Variants in ZNF831 observed in about 807,000 individuals in gnomAD.
ZNF831 encodes zinc finger protein 831, also known as chromosome 20 open reading frame 174.
Under a neutral mutation model 95.8 loss-of-function variants are expected in ZNF831, and 59 were observed. The ratio of observed to expected loss-of-function variants is 0.62; its 90% CI spans 0.50 to 0.77. The LOEUF is 0.77. Among genes scored for constraint, ZNF831 ranks in the 30% least tolerant of loss-of-function variants. The pLI, the probability that ZNF831 is intolerant of heterozygous loss-of-function variation, is 0.00. For synonymous variants in ZNF831, 961 were observed against 925.5 expected (o/e 1.04, Z -0.70); for missense variants, 2,205 against 2,164.0 (o/e 1.02, Z -0.38).
intron 4 of ZNF831, among the ~76,000 whole-genome samples, chr20:59,249,954 A>G (rs761901628): frequency 6.6e-6 from 1 of 152,204 alleles, no homozygotes; most frequent in East Asian, 1.9e-4. Flanking sequence ...CAGAGTCTGA[A>G]TGGGAACTGA....
chr20:59,190,797 C>T (rs908717877), intron 1 of ZNF831, among the ~76,000 whole-genome samples, 187 bp from the exon 2 acceptor site: 25 of 152,198 alleles, frequency 1.6e-4, no homozygotes, highest in African/African-American at 5.1e-4. Flanking sequence ...CAAGTTACTT[C>T]GCTGTCTGAG....
At chr20:59,246,846 C>G (rs1987634082) in intron 4 of ZNF831, among the ~76,000 whole-genome samples, 1 of 152,204 alleles carries the variant, frequency 6.6e-6, no homozygotes, top group African/African-American at 2.4e-5. Context: ...ATCCATCTTT[C>G]TGGTCCTCTC....
At position 59,254,901 on chromosome 20, in the gene ZNF831, G is replaced by T. The variant is rs145103414; in HGVS notation, c.*158G>T. On this transcript the variant is annotated 3_prime_UTR_variant, in exon 6 of 6. Transcript: ENST00000371030. This position sits in a 1 kb window ranked among gnomAD's most constrained non-coding sequence, Gnocchi z 4.5. ...TACAAGCCAACTCCAACCAACTTCT[G>T]ACCCCCAACTCAGCCGCAGCGTTCC... is the stretch of plus-strand genomic sequence containing the variant. The T allele has an allele frequency of 9.4e-5, 95 of 1,009,082 alleles. No individual in the cohort carries two copies. The African/African-American group carries it at 1.3e-3, about 13-fold the overall frequency. 62.5% of individuals were successfully genotyped at this position (1,009,082 alleles called of 1,614,324 possible).
intron 4 of ZNF831, among the ~76,000 whole-genome samples, chr20:59,211,493 A>T (rs967302792): frequency 6.6e-6 from 1 of 152,226 alleles, no homozygotes; most frequent in African/African-American, 2.4e-5. Context: ...ATCATGATGG[A>T]CACCATGGAG....
intron 4 of ZNF831, among the ~76,000 whole-genome samples, chr20:59,242,509 A>T (rs1039656260): frequency 2.0e-5 from 3 of 152,212 alleles, no homozygotes; most frequent in Non-Finnish European, 4.4e-5. Context: ...CACAAATATT[A>T]ACGATTGATT....
intron 4 of ZNF831, among the ~76,000 whole-genome samples, chr20:59,240,398 T>A (rs1987259470): frequency 6.6e-6 from 1 of 152,224 alleles, no homozygotes; most frequent in Non-Finnish European, 1.5e-5. Context: ...TAAAGGCTTT[T>A]TCTACACCTC....
Position 59,231,756 on chromosome 20 carries a change from G to A in ZNF831, c.4028-21222G>A, listed in dbSNP as rs149135264. On this transcript the variant is annotated intron_variant, in intron 4 of 5. Coordinates refer to ENST00000371030, the MANE Select transcript of ZNF831 (RefSeq NM_178457.3). The stretch of plus-strand genomic sequence containing the variant: ...CCGCCCCTTGCCGTTTGTAAAAGAA[G>A]GAGCAAGGTCTCCCCTTTGTCAAGG... Among the ~76,000 whole-genome samples the A allele has an allele frequency of 3.2e-3, 494 of 152,298 alleles. 3 individuals are homozygous for A. Among genetic ancestry groups the A allele is most frequent in the African/African-American group, 0.011 (462 of 41,560 alleles).
At position 59,191,327 on chromosome 20, in the gene ZNF831, C is replaced by T. The variant is rs2146546128; in HGVS notation, c.308C>T (p.Thr103Ile). Reference sequence around the variant, plus strand: ...CTGCAGCCTGAAGGGCCTGGCCCCACCCAGGTGGGGAAGCCGGCGGCCCCT... The same window carrying T: ...CTGCAGCCTGAAGGGCCTGGCCCCATCCAGGTGGGGAAGCCGGCGGCCCCT... ...PVLQPEGPGP[T>I]QVGKPAAPTL... is the part of the protein sequence containing the mutation. Residue 103 changes from threonine to isoleucine, a missense_variant, in exon 2 of 6, where the codon ACC becomes ATC. Coordinates refer to ENST00000371030, the MANE Select transcript of ZNF831 (RefSeq NM_178457.3). 6.2e-7 allele frequency: 1 copy of T among 1,602,676 alleles called. No homozygotes were observed.
intron 1 of ZNF831, among the ~76,000 whole-genome samples, chr20:59,135,451 G>C (rs1264862558): frequency 1.3e-5 from 2 of 152,214 alleles, no homozygotes; most frequent in Non-Finnish European, 1.5e-5. Context: ...AATCCAGGCA[G>C]CTGGGCGCAG....
chr20:59,199,157 C>T (rs1475936288), intron 3 of ZNF831, among the ~76,000 whole-genome samples: 2 of 149,598 alleles, frequency 1.3e-5, no homozygotes, highest in African/African-American at 4.9e-5. Flanking sequence ...GTGTTCTCTC[C>T]TCAAGAAGGA....
At chr20:59,179,418 C>A (rs1982433252) in intron 1 of ZNF831, among the ~76,000 whole-genome samples, 1 of 152,160 alleles carries the variant, frequency 6.6e-6, no homozygotes, top group Non-Finnish European at 1.5e-5. Context: ...CCTGCAGTAA[C>A]AAATGACCAC....
At chr20:59,219,802 A>G (rs1202982183) in intron 4 of ZNF831, among the ~76,000 whole-genome samples, 2 of 152,190 alleles carry the variant, frequency 1.3e-5, no homozygotes, top group Non-Finnish European at 2.9e-5. Flanking sequence ...TCCCTTAGCA[A>G]TCACTAATAG....
Position 59,253,245 on chromosome 20 carries a change from C to G in ZNF831, c.4188+107C>G. On this transcript the variant is annotated intron_variant, in intron 5 of 5. Coordinates refer to ENST00000371030, the MANE Select transcript of ZNF831 (RefSeq NM_178457.3). Reference sequence around the variant, plus strand: ...GTGTGGCAGAACTTGCTCGGATCACCTTATGAAGATTCGTGGCACAGAAAG... The same window carrying G: ...GTGTGGCAGAACTTGCTCGGATCACGTTATGAAGATTCGTGGCACAGAAAG... 3.2e-6 allele frequency: 4 copies of G among 1,266,948 alleles called. No individual in the cohort carries two copies. In the South Asian group the frequency reaches 6.4e-5, roughly 20 times the overall value. The allele number at this position is 1,266,948 out of a possible 1,614,324, so 78.5% of individuals were successfully genotyped here.
intron 1 of ZNF831, among the ~76,000 whole-genome samples, chr20:59,123,995 A>C (rs779916320): frequency 1.3e-5 from 2 of 152,344 alleles, no homozygotes; most frequent in Non-Finnish European, 2.9e-5. Context: ...AGCAGGCAAT[A>C]CAGGTCTTCC....
intron 1 of ZNF831, among the ~76,000 whole-genome samples, chr20:59,186,188 G>A (rs567133269): frequency 9.7e-4 from 148 of 152,274 alleles, no homozygotes; most frequent in African/African-American, 3.5e-3. Flanking sequence ...ACATTTTGTA[G>A]CCTCCTTCAC....
chr20:59,137,735 C>T (rs1979554331), intron 1 of ZNF831, among the ~76,000 whole-genome samples: 1 of 152,178 alleles, frequency 6.6e-6, no homozygotes, highest in South Asian at 2.1e-4. Context: ...TTATAGCAAC[C>T]AGCACTGGGT....
rs538243096 is a variant in ZNF831 at position 59,131,339 on chromosome 20, A to G, written c.-1425+7834A>G. On this transcript the variant is annotated intron_variant, in intron 1 of 7. Transcript: ENST00000637017. ...CACTCCTAATAAAGGATTCCTACTA[A>G]TAGTCAGCTCCCGCACTAAAGCCAG... is the stretch of plus-strand genomic sequence containing the variant. Among the ~76,000 whole-genome samples, 13 of 152,300 alleles carry G rather than the reference A, an allele frequency of 8.5e-5. No homozygotes were observed. The South Asian group carries it at 1.9e-3, about 22-fold the overall frequency.
In ZNF831 at chr20:59,190,925, A is replaced by C. The variant is rs75259180; in HGVS notation, c.-36-59A>C. 1,460 of 1,418,912 alleles carry C rather than the reference A, an allele frequency of 1.0e-3. 23 individuals carry two copies. The East Asian group carries it at 0.032, about 31-fold the overall frequency. 87.9% of individuals were successfully genotyped at this position (1,418,912 alleles called of 1,614,324 possible). On this transcript the variant is annotated intron_variant, in intron 1 of 5. Coordinates refer to ENST00000371030, the MANE Select transcript of ZNF831 (RefSeq NM_178457.3). ...AAGTGCTTGGTGCAGGGTAGGCAAG[A>C]TTTACTGCATGAGGAGAGAGGAGAG...
chr20:59,241,719 G>T (rs1038598144), intron 4 of ZNF831, among the ~76,000 whole-genome samples: 2 of 152,146 alleles, frequency 1.3e-5, no homozygotes, highest in African/African-American at 2.4e-5. Context: ...AAATGCTGTT[G>T]AATTTGGTAC....
Sources: allele counts gnomAD v4.1 joint callset (sites outside exome capture counted in the v4.1 genomes callset), GRCh38; gene constraint gnomAD v4.1.1; non-coding constraint Gnocchi (gnomAD v3.1); transcripts MANE v1.5; gene names NCBI Gene and HGNC (gene_info 2026-07-23, HGNC 2026-07-21).